Variants in PPP3CB observed in about 807,000 individuals in gnomAD.
PPP3CB encodes protein phosphatase 3 catalytic subunit beta, also known as serine/threonine-protein phosphatase 2B catalytic subunit beta isoform.
Under a neutral mutation model 66.4 loss-of-function variants are expected in PPP3CB, and 8 were observed. The ratio of observed to expected loss-of-function variants is 0.12; its 90% CI spans 0.07 to 0.22. The LOEUF (loss-of-function observed/expected upper bound fraction) is 0.22. PPP3CB is among the 10% of genes least tolerant of loss of function. PPP3CB has a pLI of 1.00. For missense variants in PPP3CB, 319 were observed against 642.5 expected (o/e 0.50, Z 5.44); for synonymous variants, 208 against 221.2 (o/e 0.94, Z 0.53).
chr10:73,466,849 G>A (rs184294853), intron 9 of PPP3CB: 23 of 152,124 alleles, frequency 1.5e-4, no homozygotes, highest in Admixed American at 1.5e-3. Flanking sequence ...TTCCACATAT[G>A]GAAACTGAGG....
At chr10:73,488,001 G>A (rs982790016) in intron 1 of PPP3CB, among the ~76,000 whole-genome samples, 4 of 151,678 alleles carry the variant, frequency 2.6e-5, no homozygotes, top group African/African-American at 4.8e-5. Flanking sequence ...GGCTGGTCTC[G>A]AACATATGAC....
chr10:73,443,294 A>T (rs539728108), intron 12 of PPP3CB, among the ~76,000 whole-genome samples: 2 of 131,806 alleles, frequency 1.5e-5, no homozygotes, highest in South Asian at 4.4e-4. Context: ...GACAGAAAGA[A>T]AGAAAGAAAG....
chr10:73,487,508 A>C (rs2133028242), intron 1 of PPP3CB, among the ~76,000 whole-genome samples: 1 of 147,022 alleles, frequency 6.8e-6, no homozygotes, highest in Non-Finnish European at 1.5e-5. Context: ...AGATCATGCC[A>C]CTGTACTCCA....
intron 9 of PPP3CB, among the ~76,000 whole-genome samples, chr10:73,465,294 T>C (rs985695644): frequency 1.3e-5 from 2 of 152,254 alleles, no homozygotes; most frequent in Non-Finnish European, 2.9e-5. Flanking sequence ...AGATGTTTGA[T>C]TGTTGTACAG....
chr10:73,457,737 C>CAAAA (rs200840556), intron 9 of PPP3CB, among the ~76,000 whole-genome samples: 6 of 87,814 alleles, frequency 6.8e-5, no homozygotes, highest in African/African-American at 7.8e-5. Flanking sequence ...GACCCTGTCT[C>CAAAA]AAAAAAAAAA....
chr10:73,444,415 A>C, intron 12 of PPP3CB: 1 of 657,498 alleles, frequency 1.5e-6, no homozygotes, highest in Non-Finnish European at 2.4e-6. Context: ...TTAAAAGAAA[A>C]GGGTGAATTA....
rs750926305 is a variant in PPP3CB, at chr10:73,495,773, G to GC, written c.85+31dup. The GC allele has an allele frequency of 1.2e-5, 19 of 1,556,170 alleles. No individual in the cohort carries two copies. In the Admixed American group the frequency reaches 3.4e-4, roughly 28 times the overall value. On this transcript the variant is annotated intron_variant, in intron 1 of 13. Transcript: ENST00000360663. ...CCCTCACACACAGCTAGCTCTTCAG[G>GC]CCAGGCCCCCAGGGTTTCGTCCACC...
intron 1 of PPP3CB, among the ~76,000 whole-genome samples, chr10:73,494,286 G>T (rs907771614): frequency 9.3e-5 from 14 of 151,232 alleles, no homozygotes; most frequent in Non-Finnish European, 1.8e-4. Flanking sequence ...TTTTGTTTTT[G>T]TTTTTGTTTT....
In PPP3CB at chr10:73,444,932, C is replaced by T. The variant is rs1473406165; in HGVS notation, c.1269-110G>A. 7 of 1,076,466 alleles carry T rather than the reference C, an allele frequency of 6.5e-6. No homozygotes were observed. The South Asian group carries it at 9.9e-5, about 15-fold the overall frequency. The allele number at this position is 1,076,466 out of a possible 1,614,324, so 66.7% of individuals were successfully genotyped here. A position where few individuals can be genotyped will look rare whatever the true frequency, so the allele number is the denominator to read the frequency against. ...TATATAAAATTCATGACATTCATTG[C>T]TATTACCATATTTTCCTCAATTTCA... On this transcript the variant is annotated intron_variant, in intron 11 of 13. Transcript: ENST00000360663.
At chr10:73,487,535 G>T (rs970691692) in intron 1 of PPP3CB, among the ~76,000 whole-genome samples, 7 of 119,742 alleles carry the variant, frequency 5.8e-5, no homozygotes, top group Non-Finnish European at 1.1e-4. Flanking sequence ...GCAACAGAGT[G>T]AGACTCCATC....
intron 9 of PPP3CB, among the ~76,000 whole-genome samples, chr10:73,462,365 C>T (rs1191055753): frequency 1.3e-5 from 2 of 151,648 alleles, no homozygotes; most frequent in Non-Finnish European, 2.9e-5. Flanking sequence ...AAAATTTGGA[C>T]TCTATCCTAA....
chr10:73,476,415 G>A (rs991475661), intron 3 of PPP3CB, among the ~76,000 whole-genome samples: 41 of 152,146 alleles, frequency 2.7e-4, no homozygotes, highest in African/African-American at 8.0e-4. Flanking sequence ...CCAGGAGTTC[G>A]AGATCAGCTT....
chr10:73,448,736 A>G (rs779416601), intron 10 of PPP3CB: 1 of 533,212 alleles, frequency 1.9e-6, no homozygotes, highest in South Asian at 1.4e-5. Flanking sequence ...GATGGAGAAA[A>G]GGTGGTTGGG....
chr10:73,458,136 T>A (rs376783187), intron 9 of PPP3CB, among the ~76,000 whole-genome samples: 371 of 152,188 alleles, frequency 2.4e-3, no homozygotes, highest in African/African-American at 8.5e-3. Context: ...AACAAAAAAA[T>A]GTTTTGTTTT....
chr10:73,470,721 C>A lies in PPP3CB; in HGVS notation c.948G>T (p.Ser316=). Residue 316 remains serine, a synonymous_variant, in exon 8 of 14, where the codon TCG becomes TCT. Coordinates refer to ENST00000360663, the MANE Select transcript of PPP3CB (RefSeq NM_021132.4). The part of the protein sequence containing the change: ...TGFPSLITIF[S]APNYLDVYNN... Reference sequence around the variant, plus strand: ...TGTAGACATCTAAGTAATTAGGTGCCGAAAAAATTGTTATTAATGAAGGGA... The same window carrying A: ...TGTAGACATCTAAGTAATTAGGTGCAGAAAAAATTGTTATTAATGAAGGGA... The A allele has an allele frequency of 6.3e-7, 1 of 1,598,910 alleles. No individual in the cohort carries two copies. The highest frequency in any genetic ancestry group is 1.1e-5 in the South Asian group (1 of 88,412).
chr10:73,441,231 A>G (rs2056142311), intron 12 of PPP3CB, among the ~76,000 whole-genome samples: 1 of 152,254 alleles, frequency 6.6e-6, no homozygotes, highest in Non-Finnish European at 1.5e-5. Context: ...CCAGACAGTA[A>G]AGTGAATTGG....
At chr10:73,451,807 G>A (rs1293368115) in intron 10 of PPP3CB, among the ~76,000 whole-genome samples, 1 of 147,340 alleles carries the variant, frequency 6.8e-6, no homozygotes, top group East Asian at 2.0e-4. Context: ...GTGCAGTGGT[G>A]CGATCTCGAC....
At chr10:73,443,274 A>AAGAC (rs1448759934) in intron 12 of PPP3CB, among the ~76,000 whole-genome samples, 1 of 118,658 alleles carries the variant, frequency 8.4e-6, no homozygotes, top group Admixed American at 8.4e-5. Context: ...GAGAGAAAGA[A>AAGAC]AGAAAGAAAG....
intron 10 of PPP3CB, among the ~76,000 whole-genome samples, chr10:73,449,226 C>T (rs1169090278): frequency 6.6e-6 from 1 of 152,130 alleles, no homozygotes; most frequent in East Asian, 1.9e-4. Flanking sequence ...AAACCTCACC[C>T]CCTCCCAACG....
Sources: allele counts gnomAD v4.1 joint callset (sites outside exome capture counted in the v4.1 genomes callset), GRCh38; gene constraint gnomAD v4.1.1; transcripts MANE v1.5; gene names NCBI Gene and HGNC (gene_info 2026-07-23, HGNC 2026-07-21).